The following MEI4 variants were observed in gnomAD, a reference collection of about 807,000 sequenced individuals.
The protein encoded by MEI4 is meiosis-specific protein MEI4.
MEI4 carries 27 observed loss-of-function variants against 31.4 expected under a neutral mutation model. The observed-to-expected ratio is 0.86, with a 90% CI of 0.63 to 1.19. The LOEUF is 1.19. Ranked by LOEUF, MEI4 falls within the 50% of genes most tolerant of loss-of-function variation. The pLI is 0.00. For missense variants in MEI4, 329 were observed against 398.9 expected (o/e 0.82, Z 1.49); for synonymous variants, 122 against 145.4 (o/e 0.84, Z 1.16).
chr6:77,803,639 G>T (rs889466266), intron 3 of MEI4, among the ~76,000 whole-genome samples: 1 of 152,170 alleles, frequency 6.6e-6, no homozygotes, highest in South Asian at 2.1e-4. Context: ...GTGACGTACA[G>T]ATGGTGTTTT....
Position 77,761,632 on chromosome 6 carries a change from A to G in MEI4, c.735A>G (p.Leu245=). ...KKLEEFEKTL[L]HAILGNNHIN... ...TGGAAGAATTTGAGAAAACCCTACT[A>G]CATGCTATTTTAGGAAACAATCATA... Residue 245 remains leucine (L), a synonymous_variant, in exon 3 of 5, where the codon CTA becomes CTG. Coordinates refer to ENST00000684080, the MANE Select transcript of MEI4 (RefSeq NM_001322247.2). The G allele has an allele frequency of 8.1e-7, 1 of 1,231,746 alleles. No homozygotes were observed. Among genetic ancestry groups the G allele is most frequent in the South Asian group, 4.1e-5 (1 of 24,304 alleles). The allele number at this position is 1,231,746 out of a possible 1,614,324, so 76.3% of individuals were successfully genotyped here.
intron 3 of MEI4, among the ~76,000 whole-genome samples, chr6:77,827,993 GTAT>G (rs1341902393): frequency 3.3e-5 from 5 of 151,894 alleles, no homozygotes; most frequent in Non-Finnish European, 7.4e-5. Context: ...TTTATTTATA[GTAT>G]TTAACTTTTC....
At chr6:77,785,632 T>G (rs1768715093) in intron 3 of MEI4, among the ~76,000 whole-genome samples, 2 of 152,150 alleles carry the variant, frequency 1.3e-5, no homozygotes, top group Non-Finnish European at 2.9e-5. Context: ...CACTGCATAT[T>G]TGCTTATTTT....
At chr6:77,653,634 A>G (rs543073799) in intron 1 of MEI4, among the ~76,000 whole-genome samples, 4 of 152,292 alleles carry the variant, frequency 2.6e-5, no homozygotes, top group African/African-American at 9.6e-5. Context: ...TTTATCAGAG[A>G]AAAGGATCTT....
At chr6:77,719,578 A>G (rs1013654236) in intron 2 of MEI4, among the ~76,000 whole-genome samples, 1,765 of 106,558 alleles carry the variant, frequency 0.017, 2 homozygotes, top group African/African-American at 0.07. Context: ...TATCATTAAC[A>G]TATACTTCTA....
At chr6:77,864,992 A>G (rs1770979448) in intron 4 of MEI4, among the ~76,000 whole-genome samples, 1 of 152,240 alleles carries the variant, frequency 6.6e-6, no homozygotes, top group Admixed American at 6.5e-5. Flanking sequence ...CTGGGTACAT[A>G]ATGAAATGAA....
chr6:77,747,039 C>T (rs767416596), intron 2 of MEI4, among the ~76,000 whole-genome samples: 8 of 152,032 alleles, frequency 5.3e-5, no homozygotes, highest in Non-Finnish European at 8.8e-5. Flanking sequence ...AGGCTGGGTG[C>T]GGTGGCTCAT....
At chr6:77,749,067 G>A (rs1350578098) in intron 2 of MEI4, among the ~76,000 whole-genome samples, 1 of 152,230 alleles carries the variant, frequency 6.6e-6, no homozygotes, top group East Asian at 1.9e-4. Flanking sequence ...GAAAGGAATA[G>A]TATCAACATC....
intron 2 of MEI4, among the ~76,000 whole-genome samples, chr6:77,744,024 C>A (rs1429105217): frequency 1.3e-5 from 2 of 152,110 alleles, no homozygotes; most frequent in African/African-American, 4.8e-5. Flanking sequence ...GGAGAAAAAA[C>A]AGAGCAGAAA....
At chr6:77,822,440 G>A (rs1769848431) in intron 3 of MEI4, among the ~76,000 whole-genome samples, 1 of 152,044 alleles carries the variant, frequency 6.6e-6, no homozygotes, top group Admixed American at 6.6e-5. Context: ...TAACGTAATG[G>A]TCTAATTCTA....
intron 4 of MEI4, among the ~76,000 whole-genome samples, chr6:77,901,085 A>T (rs942351698): frequency 6.6e-6 from 1 of 152,002 alleles, no homozygotes; most frequent in Non-Finnish European, 1.5e-5. Context: ...TTGTATATAT[A>T]TATAGTACAT....
At chr6:77,745,199 A>G (rs1247423359) in intron 2 of MEI4, among the ~76,000 whole-genome samples, 2 of 152,228 alleles carry the variant, frequency 1.3e-5, no homozygotes, top group African/African-American at 2.4e-5. Flanking sequence ...GTCAAGACCC[A>G]TCAGTGTGCT....
At chr6:77,735,066 C>T (rs1033459243) in intron 2 of MEI4, among the ~76,000 whole-genome samples, 2 of 152,000 alleles carry the variant, frequency 1.3e-5, no homozygotes, top group African/African-American at 2.4e-5. Context: ...CTGCCCTTAA[C>T]GTTTTTTCCT....
At chr6:77,755,538 C>T (rs1448999595) in intron 2 of MEI4, among the ~76,000 whole-genome samples, 1 of 151,962 alleles carries the variant, frequency 6.6e-6, no homozygotes, top group African/African-American at 2.4e-5. Context: ...CCTGCCTCAG[C>T]CTCCCGAGTA....
chr6:77,764,930 T>G (rs1768132074), intron 3 of MEI4, among the ~76,000 whole-genome samples: 2 of 152,044 alleles, frequency 1.3e-5, no homozygotes, highest in Admixed American at 6.6e-5. Context: ...AAAACAGAAT[T>G]TACCGAAACC....
intron 3 of MEI4, among the ~76,000 whole-genome samples, chr6:77,796,438 A>G (rs969466042): frequency 4.6e-5 from 7 of 152,194 alleles, no homozygotes; most frequent in Admixed American, 4.6e-4. Context: ...CTCTTCACAG[A>G]TGACATAATT....
chr6:77,894,255 C>T, intron 4 of MEI4, among the ~76,000 whole-genome samples: 1 of 151,906 alleles, frequency 6.6e-6, no homozygotes, highest in South Asian at 2.1e-4. Flanking sequence ...TATGATATTT[C>T]TTTGTTCTAA....
At chr6:77,757,841 T>C (rs1213834358) in intron 2 of MEI4, among the ~76,000 whole-genome samples, 2 of 152,188 alleles carry the variant, frequency 1.3e-5, no homozygotes, top group African/African-American at 4.8e-5. Flanking sequence ...TCACCTAAAA[T>C]GATCAGTCCA....
intron 4 of MEI4, among the ~76,000 whole-genome samples, chr6:77,921,552 C>T (rs1313112608): frequency 1.3e-5 from 2 of 151,826 alleles, no homozygotes; most frequent in African/African-American, 2.4e-5. Context: ...TTTGAATTTA[C>T]AACTTGGTTA....
Sources: gnomAD v4.1 joint callset for allele counts (sites outside exome capture counted in the v4.1 genomes callset) on GRCh38, gnomAD v4.1.1 for gene constraint, MANE v1.5 for transcripts, NCBI Gene and HGNC (gene_info 2026-07-23, HGNC 2026-07-21) for gene names.